The following CCSER1 variants were observed in gnomAD, a reference collection of about 807,000 sequenced individuals.
CCSER1 encodes the protein serine-rich coiled-coil domain-containing protein 1.
CCSER1 carries 41 observed loss-of-function variants against 82.0 expected under a neutral mutation model. The observed-to-expected ratio is 0.50, with a 90% CI of 0.39 to 0.65. The LOEUF (loss-of-function observed/expected upper bound fraction) is 0.65. CCSER1 is among the 30% of genes least tolerant of loss of function. The probability of loss-of-function intolerance (pLI) is 0.00; values close to 1 mark genes in which losing one functional copy is unlikely to be tolerated. For missense variants in CCSER1, 1,119 were observed against 1,064.2 expected (o/e 1.05, Z -0.72); for synonymous variants, 414 against 383.9 (o/e 1.08, Z -0.92).
chr4:90,294,861 G>GA (rs1026106233), intron 1 of CCSER1, among the ~76,000 whole-genome samples: 1 of 151,090 alleles, frequency 6.6e-6, no homozygotes, highest in African/African-American at 2.4e-5. Flanking sequence ...TTTTCAGGAA[G>GA]AAAAAAAATC....
At chr4:90,793,821 G>A (rs1755607158) in intron 7 of CCSER1, among the ~76,000 whole-genome samples, 1 of 152,038 alleles carries the variant, frequency 6.6e-6, no homozygotes, top group African/African-American at 2.4e-5. Flanking sequence ...CTGCAACTTT[G>A]CCAGAAGCTG....
intron 5 of CCSER1, among the ~76,000 whole-genome samples, chr4:90,598,426 A>G (rs1783619119): frequency 6.6e-6 from 1 of 152,104 alleles, no homozygotes; most frequent in African/African-American, 2.4e-5. Context: ...TTAAATTCCC[A>G]CCAACAGCAT....
chr4:90,942,623 T>A (rs967712118), intron 9 of CCSER1, among the ~76,000 whole-genome samples: 1 of 151,880 alleles, frequency 6.6e-6, no homozygotes, highest in African/African-American at 2.4e-5. Flanking sequence ...ACACACACTT[T>A]TATGGGAAAT....
chr4:91,049,525 G>A (rs1219839335), intron 9 of CCSER1, among the ~76,000 whole-genome samples: 2 of 152,174 alleles, frequency 1.3e-5, no homozygotes, highest in African/African-American at 4.8e-5. Context: ...AACACGTTTG[G>A]TGGTCATTCT....
intron 8 of CCSER1, among the ~76,000 whole-genome samples, chr4:90,833,976 T>C (rs1761467573): frequency 6.6e-6 from 1 of 152,172 alleles, no homozygotes; most frequent in Non-Finnish European, 1.5e-5. Context: ...CATGGGGTGA[T>C]GCATACCAGA....
chr4:90,698,652 G>C (rs895135055), intron 6 of CCSER1, among the ~76,000 whole-genome samples: 1 of 152,172 alleles, frequency 6.6e-6, no homozygotes, highest in Non-Finnish European at 1.5e-5. Flanking sequence ...ACCTGAATTT[G>C]GGACATGTTG....
intron 6 of CCSER1, among the ~76,000 whole-genome samples, chr4:90,698,607 A>G (rs909641761): frequency 5.3e-5 from 8 of 152,304 alleles, no homozygotes; most frequent in African/African-American, 1.9e-4. Flanking sequence ...TGATCCAACT[A>G]TGGTCAATTT....
intron 10 of CCSER1, among the ~76,000 whole-genome samples, chr4:91,292,437 T>C (rs1203762534): frequency 6.6e-6 from 1 of 152,034 alleles, no homozygotes; most frequent in Non-Finnish European, 1.5e-5. Context: ...TAATTATGCT[T>C]ACGCTAGATT....
chr4:91,423,199 G>A (rs1753777821), intron 10 of CCSER1, among the ~76,000 whole-genome samples: 1 of 151,996 alleles, frequency 6.6e-6, no homozygotes, highest in African/African-American at 2.4e-5. Context: ...GCTGAGGCGG[G>A]CAGATCACCT....
chr4:91,357,886 C>CTT (rs1560609562), intron 10 of CCSER1, among the ~76,000 whole-genome samples: 1,147 of 67,536 alleles, frequency 0.017, 12 homozygotes, highest in African/African-American at 0.053. Flanking sequence ...GCCCCCCCCC[C>CTT]CTTTTTTTTT....
intron 3 of CCSER1, among the ~76,000 whole-genome samples, chr4:90,354,629 C>T (rs1744096485): frequency 6.6e-6 from 1 of 151,866 alleles, no homozygotes; most frequent in Non-Finnish European, 1.5e-5. Flanking sequence ...CAATTATACC[C>T]CAATACATCT....
intron 10 of CCSER1, among the ~76,000 whole-genome samples, chr4:91,471,612 G>T (rs1757279222): frequency 6.6e-6 from 1 of 152,104 alleles, no homozygotes; most frequent in Non-Finnish European, 1.5e-5. Flanking sequence ...AGCACTTGGT[G>T]GTGATATTCT....
At chr4:90,223,083 C>G (rs527744875) in intron 1 of CCSER1, among the ~76,000 whole-genome samples, 1 of 152,264 alleles carries the variant, frequency 6.6e-6, no homozygotes, top group African/African-American at 2.4e-5. Context: ...TCCTCCTATT[C>G]CCTTTGTGTA....
At chr4:91,379,295 T>C (rs1750683391) in intron 10 of CCSER1, among the ~76,000 whole-genome samples, 1 of 152,328 alleles carries the variant, frequency 6.6e-6, no homozygotes, top group East Asian at 1.9e-4. Flanking sequence ...TCCCTCTTTT[T>C]CTATTGATTG....
chr4:91,290,953 A>G (rs1743695466), intron 10 of CCSER1, among the ~76,000 whole-genome samples: 1 of 151,900 alleles, frequency 6.6e-6, no homozygotes, highest in African/African-American at 2.4e-5. Flanking sequence ...TTAATGAGCT[A>G]ACTAGTAAAT....
At chr4:90,760,050 T>A (rs1031168334) in intron 7 of CCSER1, among the ~76,000 whole-genome samples, 2 of 151,998 alleles carry the variant, frequency 1.3e-5, no homozygotes, top group African/African-American at 4.8e-5. Context: ...TAGGAATTTT[T>A]TAGTTTCACT....
At chr4:90,987,647 T>C (rs916534397) in intron 9 of CCSER1, among the ~76,000 whole-genome samples, 5 of 151,762 alleles carry the variant, frequency 3.3e-5, no homozygotes, top group African/African-American at 1.2e-4. Context: ...ATTCAACTTG[T>C]GTTTTTTCTT....
chr4:91,194,325 T>G (rs1479640315), intron 10 of CCSER1, among the ~76,000 whole-genome samples: 1 of 152,144 alleles, frequency 6.6e-6, no homozygotes, highest in Non-Finnish European at 1.5e-5. Flanking sequence ...ATTAACATCA[T>G]GAAAGGTTTT....
At chr4:91,396,389 G>A (rs1388809146) in intron 10 of CCSER1, among the ~76,000 whole-genome samples, 4 of 152,050 alleles carry the variant, frequency 2.6e-5, no homozygotes, top group African/African-American at 9.7e-5. Context: ...TCAGACTCTG[G>A]AACTTAGTAA....
Sources: allele counts gnomAD v4.1 joint callset (sites outside exome capture counted in the v4.1 genomes callset), GRCh38; gene constraint gnomAD v4.1.1; transcripts MANE v1.5; gene names NCBI Gene and HGNC (gene_info 2026-07-23, HGNC 2026-07-21).